The following GPLD1 variants were observed in gnomAD, a reference collection of about 807,000 sequenced individuals.
GPLD1 encodes glycosylphosphatidylinositol specific phospholipase D1.
Under a neutral mutation model 112.6 loss-of-function variants are expected in GPLD1, and 84 were observed. The observed-to-expected ratio is 0.75, with a 90% CI of 0.63 to 0.89. GPLD1 has a LOEUF of 0.89. Among genes scored for constraint, GPLD1 ranks in the 40% least tolerant of loss-of-function variants. The pLI is 0.00. For missense variants in GPLD1, 1,044 were observed against 1,051.5 expected (o/e 0.99, Z 0.10); for synonymous variants, 386 against 403.8 (o/e 0.96, Z 0.53).
chr6:24,430,795 C>G (rs1021553991), intron 24 of GPLD1, among the ~76,000 whole-genome samples: 3 of 152,072 alleles, frequency 2.0e-5, no homozygotes, highest in African/African-American at 7.2e-5. Context: ...TATCTTTACA[C>G]CCAGAGCGTT....
chr6:24,454,088 C>A lies in GPLD1; in HGVS notation c.1262G>T (p.Gly421Val). 1.7e-5 allele frequency: 28 copies of A among 1,613,978 alleles called. No individual in the cohort carries two copies. The highest frequency in any genetic ancestry group is 2.4e-5 in the Non-Finnish European group (28 of 1,179,874). Residue 421 changes from glycine (G) to valine (V), a missense_variant, in exon 14 of 25, where the codon GGC becomes GTC. Gly to Val is a moderately radical substitution (Grantham distance 109, BLOSUM62 -3). Coordinates refer to ENST00000230036, the MANE Select transcript of GPLD1 (RefSeq NM_001503.4). ...AACAGGTGGCAGGCCCAGGTCATTG[C>A]CGTAGATGAGGTACACGCGCCCGAT... ...IHIGRVYLIYGNDLGLPPVDL... is the reference protein window; with the variant it reads ...IHIGRVYLIYVNDLGLPPVDL...
chr6:24,479,414 C>T (rs2253794), intron 3 of GPLD1, among the ~76,000 whole-genome samples: 20 of 152,068 alleles, frequency 1.3e-4, no homozygotes, highest in African/African-American at 4.3e-4. Context: ...ATAGTATCTG[C>T]GATTTGCATA....
intron 13 of GPLD1, among the ~76,000 whole-genome samples, chr6:24,456,000 C>T (rs946757191): frequency 6.6e-6 from 1 of 152,002 alleles, no homozygotes; most frequent in African/African-American, 2.4e-5. Flanking sequence ...CATAGCAAGA[C>T]CCCATCTCTA....
Position 24,437,129 on chromosome 6 carries a change from C to G in GPLD1, c.2181G>C (p.Leu727=). Residue 727 remains leucine, a synonymous_variant, in exon 21 of 25, where the codon CTG becomes CTC. Transcript: ENST00000230036. The part of the protein sequence containing the change: ...RFGGVLHLSD[L]DDDGLDEIIM... ...CTTTCTTACCTAAGCCATCATCATC[C>G]AGGTCACTCAAGTGCAGAACGCCAC... 7 of 1,614,160 alleles carry G rather than the reference C, an allele frequency of 4.3e-6. No individual in the cohort carries two copies. Among genetic ancestry groups the G allele is most frequent in the Non-Finnish European group, 5.9e-6 (7 of 1,179,946 alleles).
chr6:24,464,996 C>T (rs9461019), intron 10 of GPLD1, among the ~76,000 whole-genome samples: 10,925 of 151,510 alleles, frequency 0.072, 1,133 homozygotes, highest in African/African-American at 0.23. Flanking sequence ...AGATCGAGAC[C>T]AGCCTGGCCA....
chr6:24,468,816 T>G (rs1231893329), intron 7 of GPLD1, among the ~76,000 whole-genome samples: 1 of 152,184 alleles, frequency 6.6e-6, no homozygotes, highest in Non-Finnish European at 1.5e-5. Context: ...ATTTATTGAT[T>G]GATGTCCCAA....
chr6:24,438,080 T>G (rs1762636378), intron 20 of GPLD1, among the ~76,000 whole-genome samples: 1 of 152,202 alleles, frequency 6.6e-6, no homozygotes, highest in Non-Finnish European at 1.5e-5. Context: ...GTAAGCATTT[T>G]ACAGGGGACA....
At chr6:24,477,223 A>G (rs976921909) in intron 3 of GPLD1, among the ~76,000 whole-genome samples, 4 of 148,254 alleles carry the variant, frequency 2.7e-5, no homozygotes, top group African/African-American at 5.0e-5. Context: ...TCCCTCTGTA[A>G]ATCCAACAGA....
At chr6:24,440,166 T>C (rs2127322834) in intron 20 of GPLD1, among the ~76,000 whole-genome samples, 1 of 151,368 alleles carries the variant, frequency 6.6e-6, no homozygotes, top group Non-Finnish European at 1.5e-5. Context: ...TCAGAAAAAC[T>C]ATAAACTTGC....
chr6:24,480,557 G>A (rs146155892), intron 2 of GPLD1, among the ~76,000 whole-genome samples: 15 of 152,270 alleles, frequency 9.9e-5, no homozygotes, highest in South Asian at 6.2e-4. Context: ...ACAAACGCAC[G>A]TACGCACGCA....
rs746726650 is a variant in GPLD1 at position 24,447,822 on chromosome 6, T to C, written c.1678+55A>G. The C allele has an allele frequency of 3.9e-6, 6 of 1,548,532 alleles. No homozygotes were observed. In the African/African-American group the frequency reaches 6.8e-5, roughly 18 times the overall value. ...GATATAAACCCCTATGCAGGATAAG[T>C]TGTCGTAGACACACAGAGCAGCCAT... On this transcript the variant is annotated intron_variant, in intron 17 of 24. Transcript: ENST00000230036.
chr6:24,494,472 G>A (rs1764637800), upstream of GPLD1, among the ~76,000 whole-genome samples: 1 of 152,090 alleles, frequency 6.6e-6, no homozygotes, highest in African/African-American at 2.4e-5. Flanking sequence ...GAGAACGATC[G>A]CTCCCAATCA....
intron 22 of GPLD1, among the ~76,000 whole-genome samples, chr6:24,435,073 A>G (rs1427198275): frequency 1.4e-5 from 2 of 146,206 alleles, no homozygotes; most frequent in African/African-American, 2.6e-5. Context: ...GTGCAGTGGC[A>G]TGATCTCGAC....
intron 22 of GPLD1, among the ~76,000 whole-genome samples, chr6:24,434,767 G>A (rs1380615337): frequency 6.7e-6 from 1 of 150,190 alleles, no homozygotes; most frequent in African/African-American, 2.5e-5. Context: ...GAACCTGGGA[G>A]GTGGAGGTTG....
At chr6:24,480,146 CACA>C (rs2050771000) in intron 2 of GPLD1, among the ~76,000 whole-genome samples, 187 bp from the exon 3 acceptor site, 1 of 152,302 alleles carries the variant, frequency 6.6e-6, no homozygotes, top group South Asian at 2.1e-4. Flanking sequence ...CAAGACAAAA[CACA>C]ACAATATATA....
chr6:24,438,311 A>T (rs1475440546), intron 20 of GPLD1, among the ~76,000 whole-genome samples: 2 of 152,214 alleles, frequency 1.3e-5, no homozygotes, highest in Non-Finnish European at 2.9e-5. Flanking sequence ...AGTTGTTGGA[A>T]TTTCGCTGTA....
chr6:24,481,345 T>C (rs1581786292), intron 2 of GPLD1, among the ~76,000 whole-genome samples: 1 of 105,216 alleles, frequency 9.5e-6, no homozygotes, highest in South Asian at 2.8e-4. Flanking sequence ...ATCCCGCCCT[T>C]TTTTTTTTTT....
At chr6:24,425,395 A>T (rs1013022590), downstream of GPLD1, 2 of 152,194 alleles carry the variant, frequency 1.3e-5, no homozygotes, top group Non-Finnish European at 2.9e-5. Flanking sequence ...TTGATGAATC[A>T]TGTCAATAAA....
At chr6:24,469,341 C>T (rs533575336) in intron 7 of GPLD1, among the ~76,000 whole-genome samples, 6 of 133,364 alleles carry the variant, frequency 4.5e-5, no homozygotes, top group Admixed American at 2.4e-4. Flanking sequence ...ATGTTTATTG[C>T]GGCATTATTC....
Sources: allele counts gnomAD v4.1 joint callset (sites outside exome capture counted in the v4.1 genomes callset), GRCh38; gene constraint gnomAD v4.1.1; transcripts MANE v1.5; gene names NCBI Gene and HGNC (gene_info 2026-07-23, HGNC 2026-07-21).